NPLOC4: variants seen among roughly 807,000 people sequenced by gnomAD.
NPLOC4 encodes nuclear protein localization protein 4 homolog.
In NPLOC4, 18 loss-of-function variants were observed where a neutral mutation model predicts 80.6. That is an observed-to-expected ratio of 0.22 (90% CI 0.15 to 0.33). The LOEUF is 0.33. Ranked by LOEUF, NPLOC4 falls within the 10% of genes least tolerant of loss-of-function variation. The probability of loss-of-function intolerance (pLI) is 1.00; values close to 1 mark genes in which losing one functional copy is unlikely to be tolerated. For synonymous variants in NPLOC4, 313 were observed against 301.5 expected, an observed-to-expected ratio of 1.04 and a Z score of -0.39; for missense variants, 540 against 786.1, an observed-to-expected ratio of 0.69 and a Z score of 3.74.
At chr17:81,606,353 G>A (rs984930736) in intron 7 of NPLOC4, among the ~76,000 whole-genome samples, 2 of 152,030 alleles carry the variant, frequency 1.3e-5, no homozygotes, top group Non-Finnish European at 2.9e-5. Flanking sequence ...GCCTGGACAG[G>A]TGCTCAGAGC....
chr17:81,601,693 C>T (rs1181673199), intron 8 of NPLOC4, among the ~76,000 whole-genome samples: 3 of 152,184 alleles, frequency 2.0e-5, no homozygotes, highest in Admixed American at 6.5e-5. Flanking sequence ...ACTTCACTGG[C>T]GGGGTCTCTA....
chr17:81,589,338 G>A (rs1051274048), intron 11 of NPLOC4, among the ~76,000 whole-genome samples: 1 of 151,976 alleles, frequency 6.6e-6, no homozygotes, highest in Non-Finnish European at 1.5e-5. Flanking sequence ...AGACCATCCC[G>A]GATAACACGG....
intron 8 of NPLOC4, among the ~76,000 whole-genome samples, chr17:81,600,725 ACT>A (rs1164608606): frequency 6.6e-6 from 1 of 152,112 alleles, no homozygotes; most frequent in Non-Finnish European, 1.5e-5. Flanking sequence ...AGGTCTACAC[ACT>A]CTGCCTGTTT....
intron 6 of NPLOC4, among the ~76,000 whole-genome samples, chr17:81,608,419 G>A (rs566994825): frequency 6.6e-6 from 1 of 152,148 alleles, no homozygotes; most frequent in Non-Finnish European, 1.5e-5. Context: ...CTCCCTTCTA[G>A]AACCAGGTTG....
At chr17:81,597,541 T>C (rs1472414540) in intron 9 of NPLOC4, among the ~76,000 whole-genome samples, 2 of 151,942 alleles carry the variant, frequency 1.3e-5, no homozygotes, top group East Asian at 3.9e-4. Context: ...TCCCAGCACT[T>C]TGGGAGGCCG....
intron 12 of NPLOC4, chr17:81,588,214 T>A (rs1007803841): frequency 6.6e-6 from 1 of 152,136 alleles, no homozygotes; most frequent in African/African-American, 2.4e-5. Context: ...AGAGTATCAG[T>A]AAACTGCGGG....
chr17:81,615,186 A>G (rs2035447592), intron 3 of NPLOC4, among the ~76,000 whole-genome samples: 1 of 148,988 alleles, frequency 6.7e-6, no homozygotes, highest in Non-Finnish European at 1.5e-5. Context: ...TGGAACCTGC[A>G]TCTCACGGGT....
Position 81,567,553 on chromosome 17 carries a change from C to T in NPLOC4, c.1450-20G>A. The T allele has an allele frequency of 6.8e-7, 1 of 1,467,368 alleles. No individual in the cohort carries two copies. The highest frequency in any genetic ancestry group is 9.5e-7 in the Non-Finnish European group (1 of 1,051,080). 90.9% of individuals were successfully genotyped at this position (1,467,368 alleles called of 1,614,324 possible). A position where few individuals can be genotyped will look rare whatever the true frequency, so the allele number is the denominator to read the frequency against. On this transcript the variant is annotated intron_variant, in intron 14 of 16. Coordinates refer to ENST00000331134, the MANE Select transcript of NPLOC4 (RefSeq NM_017921.4). The surrounding 1 kb of genome is among the most constrained non-coding windows in gnomAD (Gnocchi z 4.5). ...GAAGTCCTAGAGGAATGGGAATAAA[C>T]ATGAATGTTCCATACAGTTCCCCAG... is the stretch of plus-strand genomic sequence containing the variant.
intron 13 of NPLOC4, among the ~76,000 whole-genome samples, chr17:81,569,638 G>C (rs1023083341): frequency 6.6e-6 from 1 of 152,196 alleles, no homozygotes; most frequent in African/African-American, 2.4e-5. Context: ...TGAATGCTGG[G>C]AGCCACTCCA....
chr17:81,618,017 C>T (rs1301811765), intron 3 of NPLOC4, among the ~76,000 whole-genome samples: 3 of 152,208 alleles, frequency 2.0e-5, no homozygotes, highest in Non-Finnish European at 2.9e-5. Flanking sequence ...CAACCTCTAC[C>T]TCCCAGCCGC....
intron 7 of NPLOC4, among the ~76,000 whole-genome samples, chr17:81,605,655 A>AT (rs1370340547): frequency 6.6e-6 from 1 of 151,884 alleles, no homozygotes; most frequent in Non-Finnish European, 1.5e-5. Context: ...CTCAAAAAAA[A>AT]AAAAAAATGC....
intron 13 of NPLOC4, among the ~76,000 whole-genome samples, chr17:81,570,776 G>T (rs1223786969): frequency 6.6e-6 from 1 of 152,182 alleles, no homozygotes; most frequent in Non-Finnish European, 1.5e-5. Context: ...CCCAGGGCTG[G>T]GCATGGAGCT....
At chr17:81,578,948 TCTCA>T (rs758938337) in intron 12 of NPLOC4, among the ~76,000 whole-genome samples, 49 of 152,346 alleles carry the variant, frequency 3.2e-4, no homozygotes, top group South Asian at 8.3e-4. Flanking sequence ...AGAGACAGGG[TCTCA>T]CTATGTTGCC....
rs574453685 is a variant in NPLOC4 at position 81,591,714 on chromosome 17, C to T, written c.1121-2610G>A. ...TCCTGATGGGTTTGTGTAACCCTGCCGGAATGGCTGGCAGGACAAGTTAAC... is the reference window on the plus strand; with the variant it reads ...TCCTGATGGGTTTGTGTAACCCTGCTGGAATGGCTGGCAGGACAAGTTAAC... On this transcript the variant is annotated intron_variant, in intron 11 of 16. Coordinates refer to ENST00000331134, the MANE Select transcript of NPLOC4 (RefSeq NM_017921.4). 3.3e-5 allele frequency among the ~76,000 whole-genome samples: 5 copies of T among 152,222 alleles called. No individual in the cohort carries two copies. In the South Asian group the frequency reaches 6.2e-4, roughly 19 times the overall value.
At chr17:81,569,150 G>T in intron 13 of NPLOC4, 39 bp from the exon 14 acceptor site, 1 of 1,427,986 alleles carries the variant, frequency 7.0e-7, no homozygotes, top group Non-Finnish European at 9.9e-7. Flanking sequence ...AAATGAGGCT[G>T]AAAATGGTGT....
At chr17:81,604,240 C>A (rs1468131294) in intron 8 of NPLOC4, among the ~76,000 whole-genome samples, 4 of 152,104 alleles carry the variant, frequency 2.6e-5, no homozygotes, top group East Asian at 1.9e-4. Context: ...GACACAAGGA[C>A]TGAGCACCTG....
chr17:81,588,848 G>A (rs147950307), intron 12 of NPLOC4, 96 bp downstream of exon 12: 11 of 1,046,202 alleles, frequency 1.1e-5, no homozygotes, highest in East Asian at 7.6e-5. Context: ...GCTGACAAAC[G>A]GCTGCTATAG....
At chr17:81,597,134 A>G in intron 10 of NPLOC4, 111 bp downstream of exon 10, 1 of 749,344 alleles carries the variant, frequency 1.3e-6, no homozygotes. Flanking sequence ...ATAAATAAAT[A>G]ATGGGGCCTG....
intron 11 of NPLOC4, among the ~76,000 whole-genome samples, chr17:81,594,576 C>A (rs1363357451): frequency 6.6e-6 from 1 of 151,922 alleles, no homozygotes; most frequent in Non-Finnish European, 1.5e-5. Context: ...GAGATCGAGA[C>A]CATCCTGGCT....
Sources: gnomAD v4.1 joint callset for allele counts (sites outside exome capture counted in the v4.1 genomes callset) on GRCh38, gnomAD v4.1.1 for gene constraint, Gnocchi (gnomAD v3.1) non-coding constraint, MANE v1.5 for transcripts, NCBI Gene and HGNC (gene_info 2026-07-23, HGNC 2026-07-21) for gene names.